The following NPTN variants were observed in gnomAD, a reference collection of about 807,000 sequenced individuals.
NPTN encodes neuroplastin.
NPTN carries 5 observed loss-of-function variants against 42.7 expected under a neutral mutation model. The observed-to-expected ratio is 0.12, with a 90% CI of 0.06 to 0.25. The LOEUF is 0.25. Ranked by LOEUF, NPTN falls within the 10% of genes least tolerant of loss-of-function variation. The probability of loss-of-function intolerance (pLI) is 1.00; values close to 1 mark genes in which losing one functional copy is unlikely to be tolerated. For missense variants in NPTN, 307 were observed against 525.4 expected (o/e 0.58, Z 4.06); for synonymous variants, 180 against 201.9 (o/e 0.89, Z 0.92).
At chr15:73,599,488 C>T (rs988790038) in intron 1 of NPTN, 1 of 152,498 alleles carries the variant, frequency 6.6e-6, no homozygotes, top group Non-Finnish European at 1.5e-5. Context: ...GTGGTGCTCA[C>T]CTGTAGTCCC....
At chr15:73,561,188 A>G (rs946771564) in intron 8 of NPTN, 140 bp from the exon 9 acceptor site, 1 of 152,418 alleles carries the variant, frequency 6.6e-6, no homozygotes, top group African/African-American at 2.4e-5. Context: ...TATGCCTAAC[A>G]AGATGACATT....
chr15:73,620,589 T>TTCAAGATGAAATTGAA (rs1898085794), intron 1 of NPTN, among the ~76,000 whole-genome samples: 1 of 152,338 alleles, frequency 6.6e-6, no homozygotes, highest in Admixed American at 6.5e-5. Context: ...TCAAATGACA[T>TTCAAGATGAAATTGAA]TCAAGATGAA....
intron 1 of NPTN, among the ~76,000 whole-genome samples, chr15:73,608,083 C>T (rs994187847): frequency 2.6e-5 from 4 of 152,162 alleles, no homozygotes; most frequent in Non-Finnish European, 5.9e-5. Flanking sequence ...AAAACAGTTG[C>T]TAAAAAAACT....
rs891585274 is a variant in NPTN, at chr15:73,560,581, G to C, written c.*482C>G. 1 of 150,240 alleles carries C rather than the reference G, an allele frequency of 6.7e-6. No individual in the cohort carries two copies. Among genetic ancestry groups the C allele is most frequent in the African/African-American group, 2.4e-5 (1 of 40,872 alleles). The allele number at this position is 150,240 out of a possible 1,614,324, so 9.3% of individuals were successfully genotyped here. Reference sequence around the variant, plus strand: ...TATCAGCAGCTTAAAAATGAAACAAGCATTTACTTTATTTTGGATTTCTCC... The same window carrying C: ...TATCAGCAGCTTAAAAATGAAACAACCATTTACTTTATTTTGGATTTCTCC... On this transcript the variant is annotated 3_prime_UTR_variant, in exon 9 of 9. Transcript: ENST00000345330.
Position 73,633,378 on chromosome 15 carries a change from C to G in NPTN, c.-163G>C, listed in dbSNP as rs1190838468. 1 of 491,786 alleles carries G rather than the reference C, an allele frequency of 2.0e-6. No homozygotes were observed. Among genetic ancestry groups the G allele is most frequent in the Non-Finnish European group, 3.4e-6 (1 of 290,514 alleles). 30.5% of individuals were successfully genotyped at this position (491,786 alleles called of 1,614,324 possible). A position where few individuals can be genotyped will look rare whatever the true frequency, so the allele number is the denominator to read the frequency against. ...CCCCGTCCTCCTCCTGCCGCCGCAG[C>G]GCCCAGGCCTCGCGAGACCTTCGCT... On this transcript the variant is annotated 5_prime_UTR_variant, in exon 1 of 9. Transcript: ENST00000345330.
chr15:73,633,073 G>C, intron 1 of NPTN, 52 bp downstream of exon 1: 1 of 1,260,922 alleles, frequency 7.9e-7, no homozygotes, highest in Non-Finnish European at 1.0e-6. Flanking sequence ...GGCCCCCTCC[G>C]GCCCCGGCGC....
rs1894567385 is a variant in NPTN, at chr15:73,560,047, G to A, written c.*1016C>T. 1.2e-6 allele frequency: 1 copy of A among 824,258 alleles called. No homozygotes were observed. The highest frequency in any genetic ancestry group is 1.8e-5 in the African/African-American group (1 of 54,946). 51.1% of individuals were successfully genotyped at this position (824,258 alleles called of 1,614,324 possible). A position where few individuals can be genotyped will look rare whatever the true frequency, so the allele number is the denominator to read the frequency against. The stretch of plus-strand genomic sequence containing the variant: ...ATCAATGTTTTATTTTTAAAAACAG[G>A]TGAATCCACTTTTTTATACATCATT... On this transcript the variant is annotated 3_prime_UTR_variant, in exon 9 of 9. Transcript: ENST00000345330.
At chr15:73,588,464 AG>A (rs1306906560) in intron 3 of NPTN, among the ~76,000 whole-genome samples, 1 of 152,204 alleles carries the variant, frequency 6.6e-6, no homozygotes, top group Non-Finnish European at 1.5e-5. Flanking sequence ...TCAGAGCATC[AG>A]CCACAGACAT....
rs140064138 is a variant in NPTN at position 73,626,987 on chromosome 15, C to G, written c.91+6138G>C. ...CAGTGGCTCACACCTGTAATCACAGCACTTTGGGAGGCCGAGGTGGGCAGA... is the reference window on the plus strand; with the variant it reads ...CAGTGGCTCACACCTGTAATCACAGGACTTTGGGAGGCCGAGGTGGGCAGA... On this transcript the variant is annotated intron_variant, in intron 1 of 8. Coordinates refer to ENST00000345330, the MANE Select transcript of NPTN (RefSeq NM_012428.4). 3.8e-3 allele frequency among the ~76,000 whole-genome samples: 578 copies of G among 152,296 alleles called. 3 individuals are homozygous for G. The highest frequency in any genetic ancestry group is 0.013 in the African/African-American group (555 of 41,570).
intron 1 of NPTN, among the ~76,000 whole-genome samples, chr15:73,600,704 T>A (rs1388622447): frequency 1.3e-5 from 2 of 152,142 alleles, no homozygotes. Flanking sequence ...ATAAATTAAT[T>A]AATAATAATT....
At chr15:73,607,480 C>G (rs1897345805) in intron 1 of NPTN, among the ~76,000 whole-genome samples, 1 of 152,158 alleles carries the variant, frequency 6.6e-6, no homozygotes, top group Admixed American at 6.5e-5. Context: ...GCAGTCCAAG[C>G]TGATAGTCTA....
intron 6 of NPTN, among the ~76,000 whole-genome samples, chr15:73,564,750 G>C (rs1894883078): frequency 6.6e-6 from 1 of 152,198 alleles, no homozygotes; most frequent in East Asian, 1.9e-4. Context: ...GGCCAAGCCA[G>C]CTCAGCTACA....
At chr15:73,572,334 C>T (rs117371434) in intron 5 of NPTN, among the ~76,000 whole-genome samples, 2,021 of 152,236 alleles carry the variant, frequency 0.013, 27 homozygotes, top group East Asian at 0.054. Flanking sequence ...ATCAGAGGAA[C>T]GCTTGACACG....
chr15:73,621,851 C>CGT lies in NPTN; in HGVS notation c.91+11273_91+11274insAC, dbSNP rs1424536281. Among the ~76,000 whole-genome samples the CGT allele has an allele frequency of 2.6e-5, 4 of 152,066 alleles. No individual in the cohort carries two copies. The East Asian group carries it at 7.7e-4, about 29-fold the overall frequency. ...TTCATGTTCCTTAATATCATTCTCC[C>CGT]TGGAACCTATTCCACTGTTCGAGTC... is the stretch of plus-strand genomic sequence containing the variant. On this transcript the variant is annotated intron_variant, in intron 1 of 8. Coordinates refer to ENST00000345330, the MANE Select transcript of NPTN (RefSeq NM_012428.4).
chr15:73,578,733 C>T (rs1895826542), intron 4 of NPTN, among the ~76,000 whole-genome samples: 1 of 152,132 alleles, frequency 6.6e-6, no homozygotes. Context: ...GTGGCTCACA[C>T]CTGTAATCCC....
chr15:73,585,801 A>G (rs919728661), intron 4 of NPTN, among the ~76,000 whole-genome samples: 1 of 152,246 alleles, frequency 6.6e-6, no homozygotes, highest in African/African-American at 2.4e-5. Flanking sequence ...GGCTATTTGT[A>G]CAGTGAGAAT....
intron 1 of NPTN, among the ~76,000 whole-genome samples, chr15:73,625,506 T>C (rs562890720): frequency 6.6e-6 from 1 of 152,228 alleles, no homozygotes; most frequent in African/African-American, 2.4e-5. Context: ...TGATTTTTTG[T>C]ATTTTTGGTA....
intron 4 of NPTN, among the ~76,000 whole-genome samples, chr15:73,584,462 T>C (rs980741815): frequency 5.3e-5 from 8 of 152,100 alleles, no homozygotes; most frequent in Admixed American, 2.0e-4. Context: ...TGAAAAATTA[T>C]AGGGGTAGAA....
chr15:73,571,852 G>A (rs1895412525), intron 5 of NPTN, among the ~76,000 whole-genome samples: 1 of 152,202 alleles, frequency 6.6e-6, no homozygotes, highest in Admixed American at 6.5e-5. Flanking sequence ...CATCTGAAAT[G>A]GGGAACTCGT....
Sources: allele counts gnomAD v4.1 joint callset (sites outside exome capture counted in the v4.1 genomes callset), GRCh38; gene constraint gnomAD v4.1.1; transcripts MANE v1.5; gene names NCBI Gene and HGNC (gene_info 2026-07-23, HGNC 2026-07-21).